Variants in COL18A1 observed in about 807,000 individuals in gnomAD.
COL18A1 encodes collagen type XVIII alpha 1 chain, also known as collagen alpha-1(XVIII) chain.
COL18A1 carries 133 observed loss-of-function variants against 168.0 expected under a neutral mutation model. The ratio of observed to expected loss-of-function variants is 0.79; its 90% CI spans 0.69 to 0.91. The LOEUF (loss-of-function observed/expected upper bound fraction) is 0.91, where lower values mean the gene tolerates loss of function less well. COL18A1 is among the 40% of genes least tolerant of loss of function. The pLI, the probability that COL18A1 is intolerant of heterozygous loss-of-function variation, is 0.00. For missense variants in COL18A1, 2,126 were observed against 1,925.4 expected (o/e 1.10, Z -1.95); for synonymous variants, 949 against 809.0 (o/e 1.17, Z -2.94).
At chr21:45,508,618 T>C (rs2037392978) in intron 38 of COL18A1, among the ~76,000 whole-genome samples, 1 of 152,192 alleles carries the variant, frequency 6.6e-6, no homozygotes, top group Admixed American at 6.5e-5. Context: ...CATGATTCCT[T>C]AATTGGCTCA....
At chr21:45,456,554 C>T in intron 2 of COL18A1, 3 of 1,547,412 alleles carry the variant, frequency 1.9e-6, no homozygotes, top group Non-Finnish European at 2.6e-6. Flanking sequence ...ACCCTCCCTG[C>T]CAGTCTGCGG....
chr21:45,470,864 AAGGTCAGAG>A (rs1486709431), intron 3 of COL18A1, among the ~76,000 whole-genome samples: 2 of 152,082 alleles, frequency 1.3e-5, no homozygotes, highest in Non-Finnish European at 2.9e-5. Context: ...GAAACCTTGG[AAGGTCAGAG>A]AGCTGGAACA....
In COL18A1 at chr21:45,508,442, AGTGGGTGAGTGGATGGGTGGATGGACAG is replaced by A. The variant is rs1270330878; in HGVS notation, c.3249+870_3250-866del. Among the ~76,000 whole-genome samples the A allele has an allele frequency of 1.2e-3, 140 of 118,852 alleles. No individual in the cohort carries two copies. The South Asian group carries it at 0.016, about 14-fold the overall frequency. The allele number at this position is 118,852 out of a possible 152,430, so 78.0% of individuals were successfully genotyped here. A position where few individuals can be genotyped will look rare whatever the true frequency, so the allele number is the denominator to read the frequency against. On this transcript the variant is annotated intron_variant, in intron 38 of 41. Coordinates refer to ENST00000651438, the MANE Select transcript of COL18A1 (RefSeq NM_001379500.1). ...TGAATGGGTGGATGGATGGTGGGTA[AGTGGGTGAGTGGATGGGTGGATGGACAG>A]GTGGGTGAGTGGATGGGTGGGTGGA...
intron 2 of COL18A1, among the ~76,000 whole-genome samples, chr21:45,413,671 G>A (rs1259728357): frequency 1.3e-5 from 2 of 152,236 alleles, no homozygotes; most frequent in African/African-American, 4.8e-5. Flanking sequence ...AGCGTCCATG[G>A]ATCCCGTCCA....
chr21:45,491,281 C>T lies in COL18A1; in HGVS notation c.2124C>T (p.Pro708=), dbSNP rs773100891. The T allele has an allele frequency of 1.4e-5, 23 of 1,612,344 alleles. No individual in the cohort carries two copies. The Admixed American group carries it at 2.5e-4, about 18-fold the overall frequency. Reference sequence around the variant, plus strand: ...CGGGCCTCCCTGGCCCCCCCGGACCCCCGGGACCTGTGGTCTACGTGTCGG... The same window carrying T: ...CGGGCCTCCCTGGCCCCCCCGGACCTCCGGGACCTGTGGTCTACGTGTCGG... The part of the protein sequence containing the change: ...GQPGLPGPPG[P]PGPVVYVSEQ... The change falls in exon 22 of 42, where the codon CCC becomes CCT. Residue 708 remains proline, a synonymous_variant. Coordinates refer to ENST00000651438, the MANE Select transcript of COL18A1 (RefSeq NM_001379500.1).
intron 9 of COL18A1, among the ~76,000 whole-genome samples, chr21:45,478,734 G>A (rs1244165731): frequency 6.6e-6 from 1 of 152,068 alleles, no homozygotes; most frequent in Non-Finnish European, 1.5e-5. Context: ...GAGCTTCGTC[G>A]CAAAACACGC....
Position 45,443,836 on chromosome 21 carries a change from T to G in COL18A1, c.107-24406T>G, listed in dbSNP as rs527851197. Among the ~76,000 whole-genome samples, 20 of 152,330 alleles carry G rather than the reference T, an allele frequency of 1.3e-4. No homozygotes were observed. The highest frequency in any genetic ancestry group is 4.8e-4 in the African/African-American group (20 of 41,574). ...TGCAGCACTAAGGAGAGATGCCTGC[T>G]GCATGATCCCCTAGATGCGTCCGAG... On this transcript the variant is annotated intron_variant, in intron 2 of 41. Transcript: ENST00000651438. The surrounding 1 kb of genome is among the most constrained non-coding windows in gnomAD (Gnocchi z 5.2).
chr21:45,482,873 G>A (rs771146629), intron 15 of COL18A1, 52 bp downstream of exon 15: 14 of 1,613,896 alleles, frequency 8.7e-6, no homozygotes, highest in South Asian at 1.1e-5. Flanking sequence ...TGCCCACTCA[G>A]TGCTCGGACC....
At chr21:45,409,475 A>G (rs2033224117) in intron 2 of COL18A1, among the ~76,000 whole-genome samples, 1 of 152,098 alleles carries the variant, frequency 6.6e-6, no homozygotes, top group African/African-American at 2.4e-5. Context: ...AAGGCCTCCC[A>G]GGCCTGGGAG....
intron 2 of COL18A1, among the ~76,000 whole-genome samples, chr21:45,408,254 G>A (rs2033178144): frequency 1.3e-5 from 2 of 152,376 alleles, no homozygotes; most frequent in South Asian, 2.1e-4. Context: ...CAAGGCACAT[G>A]CATACACGGG....
chr21:45,469,939 C>A (rs528511661), intron 3 of COL18A1, among the ~76,000 whole-genome samples: 1 of 152,122 alleles, frequency 6.6e-6, no homozygotes. Flanking sequence ...ACATGATTAC[C>A]GGGAAAGAAG....
intron 2 of COL18A1, among the ~76,000 whole-genome samples, chr21:45,461,135 G>T (rs1472816182): frequency 6.6e-6 from 1 of 152,146 alleles, no homozygotes; most frequent in Non-Finnish European, 1.5e-5. Flanking sequence ...TAATCACCAT[G>T]TGTACATTAG....
chr21:45,507,057 C>G (rs1046695594), intron 37 of COL18A1: 13 of 326,536 alleles, frequency 4.0e-5, no homozygotes, highest in Non-Finnish European at 7.9e-5. Flanking sequence ...CTAGCAAACG[C>G]GTGCTGGGAG....
intron 41 of COL18A1, among the ~76,000 whole-genome samples, chr21:45,511,597 T>A (rs1047829571): frequency 2.0e-5 from 3 of 151,928 alleles, no homozygotes; most frequent in Admixed American, 2.0e-4. Flanking sequence ...CGAGCATGTG[T>A]GCCCTTAAAA....
chr21:45,505,786 T>TG, intron 36 of COL18A1, 52 bp from the exon 37 acceptor site: 2 of 939,194 alleles, frequency 2.1e-6, no homozygotes, highest in Non-Finnish European at 3.2e-6. Context: ...CTTCCGCCCC[T>TG]GCCCCCCGCC....
chr21:45,405,368 G>A lies in COL18A1; in HGVS notation c.12-11G>A, dbSNP rs1602317522. ...GTCCTGCGGGGTCTGACCCGTGCCT[G>A]TCCCGCGCAGGTGCCCCTGGCCATG... On this transcript the variant is annotated splice_polypyrimidine_tract_variant and intron_variant, in intron 1 of 41. Coordinates refer to ENST00000651438, the MANE Select transcript of COL18A1 (RefSeq NM_001379500.1). 1 of 1,272,354 alleles carries A rather than the reference G, an allele frequency of 7.9e-7. No individual in the cohort carries two copies. Among genetic ancestry groups the A allele is most frequent in the Non-Finnish European group, 9.9e-7 (1 of 1,008,142 alleles). The allele number at this position is 1,272,354 out of a possible 1,614,324, so 78.8% of individuals were successfully genotyped here.
At chr21:45,505,667 C>T (rs1391418839) in intron 36 of COL18A1, among the ~76,000 whole-genome samples, 171 bp from the exon 37 acceptor site, 2 of 152,182 alleles carry the variant, frequency 1.3e-5, no homozygotes, top group Non-Finnish European at 2.9e-5. Context: ...GGCGCAGGAG[C>T]TGGCGGCAGG....
intron 2 of COL18A1, among the ~76,000 whole-genome samples, chr21:45,466,655 C>T (rs935349755): frequency 1.3e-5 from 2 of 152,186 alleles, no homozygotes; most frequent in African/African-American, 4.8e-5. Context: ...GAAGGGAGCC[C>T]CCAGGAGCTT....
In COL18A1 at chr21:45,486,878, C is replaced by T. The variant is rs886617684; in HGVS notation, c.1719C>T (p.Pro573=). 23 of 1,526,770 alleles carry T rather than the reference C, an allele frequency of 1.5e-5. No individual in the cohort carries two copies. The highest frequency in any genetic ancestry group is 2.8e-5 in the African/African-American group (2 of 72,402). 94.6% of individuals were successfully genotyped at this position (1,526,770 alleles called of 1,614,324 possible). ...APGHKGSKGA[P]GPAGARGESG... is the part of the protein sequence containing the mutation. ...CCACGCAGGGGAGCAAGGGAGCCCC[C>T]GGTCCTGCTGGTGCTCGTGGGGAGA... is the stretch of plus-strand genomic sequence containing the variant. Residue 573 remains proline (P), a synonymous_variant, in exon 16 of 42, where the codon CCC becomes CCT. Transcript: ENST00000651438.
Sources: allele counts gnomAD v4.1 joint callset (sites outside exome capture counted in the v4.1 genomes callset), GRCh38; gene constraint gnomAD v4.1.1; non-coding constraint Gnocchi (gnomAD v3.1); transcripts MANE v1.5; gene names NCBI Gene and HGNC (gene_info 2026-07-23, HGNC 2026-07-21).